NUP210: variants seen among roughly 807,000 people sequenced by gnomAD.
The protein encoded by NUP210 is nuclear pore membrane glycoprotein 210.
Under a neutral mutation model 196.0 loss-of-function variants are expected in NUP210, and 151 were observed. The observed-to-expected ratio is 0.77, with a 90% CI of 0.67 to 0.88. The LOEUF (loss-of-function observed/expected upper bound fraction) is 0.88. Among genes scored for constraint, NUP210 ranks in the 40% least tolerant of loss-of-function variants. The pLI, the probability that NUP210 is intolerant of heterozygous loss-of-function variation, is 0.00. For missense variants in NUP210, 2,314 were observed against 2,493.7 expected (o/e 0.93, Z 1.53); for synonymous variants, 1,070 against 1,052.7 (o/e 1.02, Z -0.32).
At chr3:13,398,854 A>G (rs2124945839) in intron 2 of NUP210, among the ~76,000 whole-genome samples, 1 of 152,332 alleles carries the variant, frequency 6.6e-6, no homozygotes, top group East Asian at 1.9e-4. Flanking sequence ...GGATTGCTTG[A>G]GTCCAGGAGG....
chr3:13,410,332 C>A (rs1168740066), intron 1 of NUP210, among the ~76,000 whole-genome samples: 2 of 151,994 alleles, frequency 1.3e-5, no homozygotes, highest in African/African-American at 4.8e-5. Context: ...GCATGTAGCA[C>A]CATACCCAGC....
Position 13,345,586 on chromosome 3 carries a change from C to T in NUP210, c.2836-2283G>A, listed in dbSNP as rs746788278. 1.2e-4 allele frequency among the ~76,000 whole-genome samples: 18 copies of T among 152,302 alleles called. No homozygotes were observed. The South Asian group carries it at 1.2e-3, about 11-fold the overall frequency. ...GCTGGCCCGAGCTGCACACACCACC[C>T]GTGTAATGATGGGTACATCAATACA... On this transcript the variant is annotated intron_variant, in intron 20 of 39. Coordinates refer to ENST00000254508, the MANE Select transcript of NUP210 (RefSeq NM_024923.4).
At chr3:13,387,822 TG>T (rs1485446288) in intron 5 of NUP210, among the ~76,000 whole-genome samples, 4 of 152,000 alleles carry the variant, frequency 2.6e-5, no homozygotes, top group African/African-American at 9.7e-5. Context: ...CAGGAAGACA[TG>T]GGATCGGCTG....
At chr3:13,365,918 G>T in intron 14 of NUP210, 28 bp downstream of exon 14, 1 of 1,612,910 alleles carries the variant, frequency 6.2e-7, no homozygotes, top group Non-Finnish European at 8.5e-7. Context: ...GGGCAGGGGG[G>T]TGGTAAAGGG....
At position 13,340,374 on chromosome 3, in the gene NUP210, G is replaced by T; in HGVS notation, c.3229-76C>A. On this transcript the variant is annotated intron_variant, in intron 23 of 39. Transcript: ENST00000254508. This position sits in a 1 kb window ranked among gnomAD's most constrained non-coding sequence, Gnocchi z 4.0. Reference sequence around the variant, plus strand: ...GCCAAGCATAACTCACACACTACATGTTTCATGAGAGGAAAACCTGGGACA... The same window carrying T: ...GCCAAGCATAACTCACACACTACATTTTTCATGAGAGGAAAACCTGGGACA... 2 of 1,320,074 alleles carry T rather than the reference G, an allele frequency of 1.5e-6. No homozygotes were observed. Among genetic ancestry groups the T allele is most frequent in the South Asian group, 1.2e-5 (1 of 83,476 alleles). 81.8% of individuals were successfully genotyped at this position (1,320,074 alleles called of 1,614,324 possible).
intron 1 of NUP210, among the ~76,000 whole-genome samples, chr3:13,412,985 A>T (rs1428296900): frequency 2.0e-5 from 3 of 151,594 alleles, no homozygotes; most frequent in Non-Finnish European, 2.9e-5. Flanking sequence ...AAAGAAAAAA[A>T]GCCAGGCACA....
At chr3:13,388,492 C>T (rs746282570) in intron 4 of NUP210, 39 bp from the exon 5 acceptor site, 10 of 1,565,624 alleles carry the variant, frequency 6.4e-6, no homozygotes, top group Non-Finnish European at 8.7e-6. Context: ...GTTGATCAAA[C>T]CCCAACACAA....
In NUP210 at chr3:13,372,042, AG is replaced by A; in HGVS notation, c.1588-11del. The A allele has an allele frequency of 1.3e-6, 2 of 1,558,536 alleles. 1 individual carries two copies. Among genetic ancestry groups the A allele is most frequent in the South Asian group, 2.4e-5 (2 of 84,512 alleles). On this transcript the variant is annotated splice_polypyrimidine_tract_variant and intron_variant, in intron 12 of 39. Transcript: ENST00000254508. ...GCTCGATCACATACACCTGGAAGAC[AG>A]GGGCATGGCCTGGGCTCAGCTGCCT...
At chr3:13,326,992 C>T (rs7651676) in intron 32 of NUP210, among the ~76,000 whole-genome samples, 72,970 of 152,200 alleles carry the variant, frequency 0.48, 17,648 homozygotes, top group Middle Eastern at 0.53. Flanking sequence ...ACTGACCATA[C>T]ATAATGCATG....
intron 14 of NUP210, among the ~76,000 whole-genome samples, chr3:13,362,756 T>C (rs954623622): frequency 6.6e-6 from 1 of 152,032 alleles, no homozygotes; most frequent in Non-Finnish European, 1.5e-5. Context: ...GAGCCAGGCG[T>C]GGCCCCTGTT....
chr3:13,419,932 G>T, intron 1 of NUP210, 128 bp downstream of exon 1: 1 of 479,882 alleles, frequency 2.1e-6, no homozygotes, highest in Non-Finnish European at 2.8e-6. Flanking sequence ...GAGTGCTGCA[G>T]CCTAGCGCCC....
At chr3:13,342,359 T>C (rs1178777059) in intron 21 of NUP210, among the ~76,000 whole-genome samples, 1 of 152,208 alleles carries the variant, frequency 6.6e-6, no homozygotes, top group Non-Finnish European at 1.5e-5. Flanking sequence ...AAGTAACTAA[T>C]ACACTAATTA....
At chr3:13,398,062 C>T (rs1699722879) in intron 2 of NUP210, among the ~76,000 whole-genome samples, 1 of 152,208 alleles carries the variant, frequency 6.6e-6, no homozygotes, top group South Asian at 2.1e-4. Context: ...TGACCATTCT[C>T]CAGGTACCAT....
At chr3:13,337,671 CAG>C (rs1157674790) in intron 26 of NUP210, among the ~76,000 whole-genome samples, 164 bp downstream of exon 26, 1 of 152,148 alleles carries the variant, frequency 6.6e-6, no homozygotes, top group Non-Finnish European at 1.5e-5. Context: ...CAGTGGCTAC[CAG>C]AGAGCAATGG....
At chr3:13,362,938 A>G (rs1416432017) in intron 14 of NUP210, among the ~76,000 whole-genome samples, 1 of 151,966 alleles carries the variant, frequency 6.6e-6, no homozygotes, top group East Asian at 1.9e-4. Flanking sequence ...TTTCCAGCTC[A>G]ACTCTTCATC....
At chr3:13,333,111 C>T (rs1200968133) in intron 28 of NUP210, among the ~76,000 whole-genome samples, 1 of 152,232 alleles carries the variant, frequency 6.6e-6, no homozygotes. Flanking sequence ...TGGTGAGGAG[C>T]TCAGTCCGGC....
rs1221619786 is a variant in NUP210, at chr3:13,353,668, C to T, written c.2522-8G>A. The T allele has an allele frequency of 1.2e-6, 2 of 1,612,976 alleles. No homozygotes were observed. The highest frequency in any genetic ancestry group is 1.7e-6 in the Non-Finnish European group (2 of 1,179,092). ...CCAAAATGGCCTGCAAACCTGAGAC[C>T]AGGAAGAAGGAAGCCACCGTTGGAT... On this transcript the variant is annotated splice_region_variant and splice_polypyrimidine_tract_variant and intron_variant, in intron 17 of 39. Coordinates refer to ENST00000254508, the MANE Select transcript of NUP210 (RefSeq NM_024923.4).
chr3:13,335,641 G>A, intron 27 of NUP210, 29 bp from the exon 28 acceptor site: 1 of 1,611,140 alleles, frequency 6.2e-7, no homozygotes, highest in Non-Finnish European at 8.5e-7. Flanking sequence ...CGTTTTCAGG[G>A]GTAAGGCCCA....
chr3:13,320,515 CCCAG>C (rs1461995302), intron 36 of NUP210, among the ~76,000 whole-genome samples: 2 of 151,396 alleles, frequency 1.3e-5, no homozygotes, highest in African/African-American at 4.9e-5. Context: ...CGCCTGTAGT[CCCAG>C]CTACTCAGGA....
Sources: allele counts gnomAD v4.1 joint callset (sites outside exome capture counted in the v4.1 genomes callset), GRCh38; gene constraint gnomAD v4.1.1; non-coding constraint Gnocchi (gnomAD v3.1); transcripts MANE v1.5; gene names NCBI Gene and HGNC (gene_info 2026-07-23, HGNC 2026-07-21).